Variants in C7orf78 observed in about 807,000 individuals in gnomAD.
C7orf78 encodes chromosome 7 open reading frame 78, also known as putative uncharacterized protein C7orf78.
the C7orf78 span, among the ~76,000 whole-genome samples, chr7:12,529,224 ATTTTC>A: frequency 2.0e-5 from 3 of 152,022 alleles, no homozygotes; most frequent in East Asian, 3.9e-4. Flanking sequence ...AGAACTTTGG[ATTTTC>A]TTTTCTTTTA....
At chr7:12,510,780 T>C in the C7orf78 span, among the ~76,000 whole-genome samples, 1 of 152,178 alleles carries the variant, frequency 6.6e-6, no homozygotes, top group Non-Finnish European at 1.5e-5. Flanking sequence ...GTTCCTTGTA[T>C]ATGTTGGATA....
chr7:12,504,412 C>G, the C7orf78 span: 1 of 152,136 alleles, frequency 6.6e-6, no homozygotes, highest in Non-Finnish European at 1.5e-5. Context: ...CCCAGATGAG[C>G]AAAACTTAAA....
At chr7:12,525,933 GA>G in the C7orf78 span, 4 of 395,024 alleles carry the variant, frequency 1.0e-5, no homozygotes, top group East Asian at 3.6e-5. Context: ...ATGAATATTG[GA>G]AAAAAAACTC....
chr7:12,498,601 C>T, the C7orf78 span, among the ~76,000 whole-genome samples: 1 of 152,124 alleles, frequency 6.6e-6, no homozygotes, highest in Non-Finnish European at 1.5e-5. Flanking sequence ...ACCAAATCTA[C>T]GTCTGATTGG....
chr7:12,522,586 C>T, the C7orf78 span, among the ~76,000 whole-genome samples: 2 of 152,140 alleles, frequency 1.3e-5, no homozygotes, highest in African/African-American at 4.8e-5. Flanking sequence ...CAAATAACAG[C>T]TTTTGACATC....
chr7:12,519,418 T>A, the C7orf78 span, among the ~76,000 whole-genome samples: 1 of 152,078 alleles, frequency 6.6e-6, no homozygotes, highest in Non-Finnish European at 1.5e-5. Context: ...TATACATAAA[T>A]CCTAGCACAG....
chr7:12,532,137 G>T, the C7orf78 span, among the ~76,000 whole-genome samples: 1 of 152,196 alleles, frequency 6.6e-6, no homozygotes, highest in African/African-American at 2.4e-5. Flanking sequence ...GTCCCAGGTA[G>T]TTATTTCCTA....
the C7orf78 span, among the ~76,000 whole-genome samples, chr7:12,494,833 T>C: frequency 6.6e-6 from 1 of 152,166 alleles, no homozygotes. Flanking sequence ...AAGGCTGCTT[T>C]CAAACTCAAC....
chr7:12,504,039 G>A, the C7orf78 span, among the ~76,000 whole-genome samples: 25,502 of 152,150 alleles, frequency 0.17, 2,566 homozygotes, highest in African/African-American at 0.28. Context: ...TTTAAAAAAT[G>A]TCCTTTGAAG....
At chr7:12,496,808 T>A in the C7orf78 span, among the ~76,000 whole-genome samples, 3 of 152,322 alleles carry the variant, frequency 2.0e-5, no homozygotes, top group Admixed American at 2.0e-4. Context: ...CAATGAGGCA[T>A]AAATCAGATA....
chr7:12,501,443 A>C, the C7orf78 span, among the ~76,000 whole-genome samples: 2 of 152,026 alleles, frequency 1.3e-5, no homozygotes, highest in African/African-American at 4.8e-5. Flanking sequence ...AACAACAGAC[A>C]AACAGAGAGC....
the C7orf78 span, chr7:12,507,182 C>T: frequency 4.6e-6 from 1 of 216,530 alleles, no homozygotes; most frequent in Non-Finnish European, 9.0e-6. Flanking sequence ...TGGCAGACAA[C>T]TGTAGTCCCA....
the C7orf78 span, among the ~76,000 whole-genome samples, chr7:12,535,010 G>GGAAC: frequency 6.7e-6 from 1 of 150,206 alleles, no homozygotes; most frequent in African/African-American, 2.5e-5. Flanking sequence ...AAGGAAGGAA[G>GGAAC]GAAGGAAGGA....
chr7:12,511,258 C>G, the C7orf78 span, among the ~76,000 whole-genome samples: 318 of 152,068 alleles, frequency 2.1e-3, 3 homozygotes, highest in African/African-American at 7.0e-3. Context: ...AATTTTTATA[C>G]CAATACCATG....
At chr7:12,509,873 T>C in the C7orf78 span, among the ~76,000 whole-genome samples, 2 of 151,982 alleles carry the variant, frequency 1.3e-5, no homozygotes, top group African/African-American at 2.4e-5. Flanking sequence ...TCACCTGAGA[T>C]CAGGACAAAA....
At chr7:12,520,984 T>G in the C7orf78 span, among the ~76,000 whole-genome samples, 1 of 152,292 alleles carries the variant, frequency 6.6e-6, no homozygotes, top group African/African-American at 2.4e-5. Flanking sequence ...CTTTGTCTCT[T>G]TTTACATTTT....
At chr7:12,533,025 T>C in the C7orf78 span, among the ~76,000 whole-genome samples, 2 of 152,164 alleles carry the variant, frequency 1.3e-5, no homozygotes, top group Non-Finnish European at 2.9e-5. Flanking sequence ...GTTTACAAAA[T>C]GGTCATCTTA....
chr7:12,497,478 G>A, the C7orf78 span, among the ~76,000 whole-genome samples: 1 of 151,538 alleles, frequency 6.6e-6, no homozygotes, highest in African/African-American at 2.4e-5. Context: ...GGCACCTGGA[G>A]AATCGGGAAA....
At chr7:12,499,181 G>A in the C7orf78 span, among the ~76,000 whole-genome samples, 6 of 151,984 alleles carry the variant, frequency 3.9e-5, no homozygotes, top group African/African-American at 7.3e-5. Flanking sequence ...ATCAACTAAC[G>A]AGCAAAATCA....
Sources: allele counts gnomAD v4.1 joint callset (sites outside exome capture counted in the v4.1 genomes callset), GRCh38; gene constraint gnomAD v4.1.1; transcripts MANE v1.5; gene names NCBI Gene and HGNC (gene_info 2026-07-23, HGNC 2026-07-21).